The following NREP variants were observed in gnomAD, a reference collection of about 807,000 sequenced individuals.
NREP encodes neuronal regeneration related protein, also known as neuronal regeneration-related protein.
NREP carries 5 observed loss-of-function variants against 8.6 expected under a neutral mutation model. The ratio of observed to expected loss-of-function variants is 0.58; its 90% confidence interval spans 0.30 to 1.22. NREP has a LOEUF of 1.22. Among genes scored for constraint, NREP ranks in the 50% most tolerant of loss-of-function variants. NREP has a pLI of 0.07. For synonymous variants in NREP, 27 were observed against 28.0 expected (o/e 0.96, Z 0.11); for missense variants, 86 against 82.5 (o/e 1.04, Z -0.17).
intron 2 of NREP, among the ~76,000 whole-genome samples, chr5:111,776,541 T>G (rs1400789280): frequency 6.6e-6 from 1 of 152,146 alleles, no homozygotes; most frequent in Admixed American, 6.5e-5. Context: ...TTTTTCAAAA[T>G]AGCCCTTAAC....
At chr5:111,859,610 C>A (rs1349488048) in intron 2 of NREP, among the ~76,000 whole-genome samples, 1 of 152,028 alleles carries the variant, frequency 6.6e-6, no homozygotes, top group African/African-American at 2.4e-5. Context: ...TCAGGCACAA[C>A]CTTGTACCCC....
chr5:111,828,446 A>T (rs949067841), intron 2 of NREP, among the ~76,000 whole-genome samples: 2 of 152,120 alleles, frequency 1.3e-5, no homozygotes, highest in Non-Finnish European at 2.9e-5. Context: ...AGAAAAAAAA[A>T]TTGTTGAGTA....
intron 2 of NREP, among the ~76,000 whole-genome samples, chr5:111,915,506 G>T (rs1384656884): frequency 6.6e-6 from 1 of 151,866 alleles, no homozygotes; most frequent in Non-Finnish European, 1.5e-5. Context: ...TTGGAAACCG[G>T]AACTCAAAAG....
At chr5:111,819,437 T>C (rs934874499) in intron 2 of NREP, among the ~76,000 whole-genome samples, 6 of 152,196 alleles carry the variant, frequency 3.9e-5, no homozygotes, top group Admixed American at 3.9e-4. Context: ...GTTCCCGCCA[T>C]TACTCCATCT....
At chr5:111,899,803 G>T (rs893738661) in intron 2 of NREP, among the ~76,000 whole-genome samples, 5 of 152,178 alleles carry the variant, frequency 3.3e-5, no homozygotes, top group Non-Finnish European at 7.3e-5. Flanking sequence ...ACTAGAGCAT[G>T]TAGATGAATA....
intron 2 of NREP, among the ~76,000 whole-genome samples, chr5:111,748,230 T>A (rs1328156020): frequency 6.6e-6 from 1 of 152,176 alleles, no homozygotes; most frequent in African/African-American, 2.4e-5. Context: ...TGTGCTTAGA[T>A]CTCACTTAAC....
chr5:111,752,755 G>A (rs1219619072), intron 2 of NREP, among the ~76,000 whole-genome samples: 1 of 152,074 alleles, frequency 6.6e-6, no homozygotes, highest in Admixed American at 6.6e-5. Flanking sequence ...TCATGCTTAC[G>A]TCACTGTGAG....
At chr5:111,954,617 A>G (rs369085468) in intron 2 of NREP, among the ~76,000 whole-genome samples, 2 of 152,280 alleles carry the variant, frequency 1.3e-5, no homozygotes, top group African/African-American at 4.8e-5. Flanking sequence ...CCTAAGCTCA[A>G]AAAATATTGA....
At chr5:111,929,863 A>G (rs1755488842) in intron 2 of NREP, among the ~76,000 whole-genome samples, 1 of 152,198 alleles carries the variant, frequency 6.6e-6, no homozygotes, top group South Asian at 2.1e-4. Context: ...TATTAAATGC[A>G]AAGCATCTAG....
intron 2 of NREP, among the ~76,000 whole-genome samples, chr5:111,970,056 T>G (rs1281274901): frequency 6.6e-6 from 1 of 152,202 alleles, no homozygotes; most frequent in African/African-American, 2.4e-5. Context: ...TTGTAAAAAC[T>G]TAAAAATGTT....
chr5:111,774,919 T>A, intron 2 of NREP, among the ~76,000 whole-genome samples: 1 of 152,180 alleles, frequency 6.6e-6, no homozygotes, highest in East Asian at 1.9e-4. Context: ...TTGGTTATGG[T>A]TAAGAAGAGA....
chr5:111,783,813 C>G (rs939406655), intron 2 of NREP, among the ~76,000 whole-genome samples: 1 of 152,120 alleles, frequency 6.6e-6, no homozygotes, highest in African/African-American at 2.4e-5. Flanking sequence ...GTCTTACTCA[C>G]CTTTTATCCC....
At chr5:111,876,111 TC>T (rs2112504717) in intron 2 of NREP, among the ~76,000 whole-genome samples, 1 of 152,276 alleles carries the variant, frequency 6.6e-6, no homozygotes, top group East Asian at 1.9e-4. Flanking sequence ...ACTGCCCATT[TC>T]TTTCTTATTG....
intron 2 of NREP, among the ~76,000 whole-genome samples, chr5:111,934,426 G>GGGGAAGAGGA (rs1755626349): frequency 6.6e-6 from 1 of 152,064 alleles, no homozygotes; most frequent in Non-Finnish European, 1.5e-5. Context: ...GTGGAAAATA[G>GGGGAAGAGGA]GGGAAGAGGA....
chr5:111,900,409 A>G (rs994977552), intron 2 of NREP, among the ~76,000 whole-genome samples: 1 of 152,040 alleles, frequency 6.6e-6, no homozygotes, highest in Non-Finnish European at 1.5e-5. Context: ...GAAGAGAAAT[A>G]ATAAAGATCA....
At position 111,964,855 on chromosome 5, in the gene NREP, C is replaced by CAAAAAAAAAAAAAAAAAAAAAA. The variant is rs58877839; in HGVS notation, c.135+10397_135+10418dup. Among the ~76,000 whole-genome samples the CAAAAAAAAAAAAAAAAAAAAAA allele has an allele frequency of 4.7e-4, 21 of 44,890 alleles. 3 individuals carry two copies. Among genetic ancestry groups the CAAAAAAAAAAAAAAAAAAAAAA allele is most frequent in the South Asian group, 2.9e-3 (2 of 686 alleles). The allele number at this position is 44,890 out of a possible 152,430, so 29.4% of individuals were successfully genotyped here. ...AGTCTACTTAGAATGCTTTCAGCAG[C>CAAAAAAAAAAAAAAAAAAAAAA]AAAAAAAAAAAAAAAAAAAAAAAAA... On this transcript the variant is annotated intron_variant, in intron 2 of 3. Transcript: ENST00000395634.
At chr5:111,919,561 A>T (rs1015820242) in intron 2 of NREP, among the ~76,000 whole-genome samples, 1 of 152,096 alleles carries the variant, frequency 6.6e-6, no homozygotes, top group South Asian at 2.1e-4. Flanking sequence ...GGATGAGTTC[A>T]TATCTTTACA....
At chr5:111,795,829 T>G (rs1751861373) in intron 2 of NREP, among the ~76,000 whole-genome samples, 1 of 152,208 alleles carries the variant, frequency 6.6e-6, no homozygotes, top group South Asian at 2.1e-4. Flanking sequence ...AGCAGAAATA[T>G]GCATTTATTA....
rs577903315 is a variant in NREP at position 111,854,505 on chromosome 5, C to A, written c.136-118998G>T. Among the ~76,000 whole-genome samples the A allele has an allele frequency of 2.6e-5, 4 of 152,284 alleles. No homozygotes were observed. The South Asian group carries it at 8.3e-4, about 32-fold the overall frequency. On this transcript the variant is annotated intron_variant, in intron 2 of 3. Transcript: ENST00000395634. ...GCTGTAGACAGGCTACATAATCTCC[C>A]CGAGCTTCACTGTTTACATTGGTGA...
Sources: gnomAD v4.1 joint callset for allele counts (sites outside exome capture counted in the v4.1 genomes callset) on GRCh38, gnomAD v4.1.1 for gene constraint, MANE v1.5 for transcripts, NCBI Gene and HGNC (gene_info 2026-07-23, HGNC 2026-07-21) for gene names.